Variants in ITGBL1 observed in about 807,000 individuals in gnomAD.
The protein encoded by ITGBL1 is integrin subunit beta like 1, also known as integrin beta-like protein 1.
Under a neutral mutation model 68.5 loss-of-function variants are expected in ITGBL1, and 51 were observed. That is an observed-to-expected ratio of 0.74 (90% CI 0.59 to 0.94). ITGBL1 has a LOEUF of 0.94. Among genes scored for constraint, ITGBL1 ranks in the 40% least tolerant of loss-of-function variants. The probability of loss-of-function intolerance (pLI) is 0.00; values close to 1 mark genes in which losing one functional copy is unlikely to be tolerated. For synonymous variants in ITGBL1, 209 were observed against 227.3 expected (o/e 0.92, Z 0.72); for missense variants, 649 against 647.4 (o/e 1.00, Z -0.03).
At chr13:101,661,862 T>A (rs561898826) in intron 7 of ITGBL1, among the ~76,000 whole-genome samples, 2 of 152,290 alleles carry the variant, frequency 1.3e-5, no homozygotes, top group Admixed American at 1.3e-4. Context: ...CGGATAAAAA[T>A]GAACTGCAAA....
At chr13:101,605,872 A>G (rs955220569) in intron 7 of ITGBL1, among the ~76,000 whole-genome samples, 24 of 150,498 alleles carry the variant, frequency 1.6e-4, no homozygotes, top group Non-Finnish European at 2.7e-4. Flanking sequence ...ATGTGTATAT[A>G]TACACATATA....
intron 8 of ITGBL1, among the ~76,000 whole-genome samples, chr13:101,697,039 A>G (rs1168965333): frequency 1.4e-5 from 2 of 147,272 alleles, no homozygotes; most frequent in African/African-American, 2.5e-5. Context: ...TATCGATTTC[A>G]TTTTTTTTTT....
chr13:101,703,171 A>T (rs1256146619), intron 8 of ITGBL1, among the ~76,000 whole-genome samples: 1 of 119,866 alleles, frequency 8.3e-6, no homozygotes, highest in African/African-American at 3.4e-5. Flanking sequence ...GTTCCACAGG[A>T]GGTAAAAAAA....
chr13:101,697,168 C>T (rs539242974), intron 8 of ITGBL1, among the ~76,000 whole-genome samples: 2 of 151,164 alleles, frequency 1.3e-5, no homozygotes, highest in South Asian at 4.2e-4. Context: ...ATTTCTTATA[C>T]TTGGCTCATC....
intron 2 of ITGBL1, among the ~76,000 whole-genome samples, chr13:101,535,790 T>A (rs1295390033): frequency 6.6e-6 from 1 of 152,146 alleles, no homozygotes; most frequent in South Asian, 2.1e-4. Flanking sequence ...AAAAAAATTT[T>A]TCCTTGCAAA....
intron 7 of ITGBL1, among the ~76,000 whole-genome samples, chr13:101,604,887 T>TATATATATATATATACACACACAC: frequency 9.0e-5 from 2 of 22,162 alleles, no homozygotes; most frequent in Non-Finnish European, 8.2e-5. Flanking sequence ...TATATATATA[T>TATATATATATATATACACACACAC]ACACACACAC....
chr13:101,696,433 GA>G (rs1222336945), intron 8 of ITGBL1, among the ~76,000 whole-genome samples: 1 of 152,158 alleles, frequency 6.6e-6, no homozygotes, highest in African/African-American at 2.4e-5. Flanking sequence ...TCCATTTCTT[GA>G]AAAATTGGTT....
At chr13:101,596,110 T>A (rs2029951354) in intron 6 of ITGBL1, among the ~76,000 whole-genome samples, 1 of 152,088 alleles carries the variant, frequency 6.6e-6, no homozygotes, top group Admixed American at 6.5e-5. Flanking sequence ...ATTCGTCCTT[T>A]AAGAAGGAAA....
At chr13:101,542,037 A>T (rs2049715297) in intron 2 of ITGBL1, among the ~76,000 whole-genome samples, 3 of 151,810 alleles carry the variant, frequency 2.0e-5, no homozygotes, top group South Asian at 4.2e-4. Flanking sequence ...TTGAAGGGTT[A>T]TTTGTGTCTC....
intron 7 of ITGBL1, among the ~76,000 whole-genome samples, chr13:101,678,759 C>T (rs957816227): frequency 6.6e-6 from 1 of 152,002 alleles, no homozygotes; most frequent in African/African-American, 2.4e-5. Flanking sequence ...TTTGGCCTCC[C>T]AAAGTGCTGG....
At chr13:101,652,259 A>T (rs1162040898) in intron 7 of ITGBL1, among the ~76,000 whole-genome samples, 1 of 152,086 alleles carries the variant, frequency 6.6e-6, no homozygotes, top group Non-Finnish European at 1.5e-5. Flanking sequence ...CTCCTGCCTC[A>T]GCCTCCAGAG....
intron 7 of ITGBL1, among the ~76,000 whole-genome samples, chr13:101,635,277 CT>C (rs1400849320): frequency 1.3e-5 from 2 of 151,980 alleles, no homozygotes; most frequent in African/African-American, 2.4e-5. Flanking sequence ...ATTTCCACCC[CT>C]GGCCTACCTT....
At chr13:101,484,562 G>A (rs916932748) in intron 2 of ITGBL1, among the ~76,000 whole-genome samples, 3 of 152,070 alleles carry the variant, frequency 2.0e-5, no homozygotes, top group East Asian at 1.9e-4. Context: ...TGGAGCATTC[G>A]AAGCTATCCA....
chr13:101,473,800 A>T (rs562366612), intron 2 of ITGBL1, among the ~76,000 whole-genome samples: 1 of 152,300 alleles, frequency 6.6e-6, no homozygotes, highest in Admixed American at 6.5e-5. Flanking sequence ...ACAATAAAAT[A>T]GTGTACCAGA....
chr13:101,530,639 C>A (rs1238691040), intron 2 of ITGBL1, among the ~76,000 whole-genome samples: 2 of 152,088 alleles, frequency 1.3e-5, no homozygotes, highest in East Asian at 3.8e-4. Context: ...TATTTTACAT[C>A]CTGATATTTT....
intron 2 of ITGBL1, among the ~76,000 whole-genome samples, chr13:101,497,512 G>T (rs2048873828): frequency 6.6e-6 from 1 of 152,220 alleles, no homozygotes; most frequent in Admixed American, 6.5e-5. Context: ...GTTGGACCAG[G>T]ACATGTAAAC....
intron 7 of ITGBL1, among the ~76,000 whole-genome samples, chr13:101,660,608 T>C (rs1338985445): frequency 6.6e-6 from 1 of 152,182 alleles, no homozygotes; most frequent in Non-Finnish European, 1.5e-5. Flanking sequence ...TGGCCTTTTA[T>C]TAGTTTTACA....
At chr13:101,503,215 G>A (rs2048972486) in intron 2 of ITGBL1, among the ~76,000 whole-genome samples, 2 of 152,138 alleles carry the variant, frequency 1.3e-5, no homozygotes, top group African/African-American at 4.8e-5. Flanking sequence ...TGGATCTCCT[G>A]AAAAAATATG....
chr13:101,476,152 A>T (rs1437001311), intron 2 of ITGBL1, among the ~76,000 whole-genome samples: 2 of 149,780 alleles, frequency 1.3e-5, no homozygotes, highest in Non-Finnish European at 3.0e-5. Context: ...TTCTTAAGAC[A>T]TAATAACATA....
Sources: allele counts gnomAD v4.1 joint callset (sites outside exome capture counted in the v4.1 genomes callset), GRCh38; gene constraint gnomAD v4.1.1; transcripts MANE v1.5; gene names NCBI Gene and HGNC (gene_info 2026-07-23, HGNC 2026-07-21).